Variants in IL1RAP observed in about 807,000 individuals in gnomAD.
The protein encoded by IL1RAP is interleukin-1 receptor accessory protein.
In IL1RAP, 35 loss-of-function variants were observed where a neutral mutation model predicts 60.7. That is an observed-to-expected ratio of 0.58 (90% CI 0.44 to 0.76). The LOEUF is 0.76. Ranked by LOEUF, IL1RAP falls within the 30% of genes least tolerant of loss-of-function variation. The pLI, the probability that IL1RAP is intolerant of heterozygous loss-of-function variation, is 0.00. For synonymous variants in IL1RAP, 268 were observed against 250.9 expected, an observed-to-expected ratio of 1.07 and a Z score of -0.64; for missense variants, 572 against 693.9, an observed-to-expected ratio of 0.82 and a Z score of 1.97.
At chr3:190,559,199 A>C (rs572506818) in intron 2 of IL1RAP, among the ~76,000 whole-genome samples, 1 of 152,280 alleles carries the variant, frequency 6.6e-6, no homozygotes, top group African/African-American at 2.4e-5. Context: ...TTGCCTTATT[A>C]CCATTTGAAT....
intron 2 of IL1RAP, among the ~76,000 whole-genome samples, chr3:190,559,356 A>AC (rs1367530765): frequency 2.0e-5 from 3 of 151,604 alleles, no homozygotes; most frequent in Admixed American, 6.6e-5. Flanking sequence ...TTATTTTTCT[A>AC]TATGTATATA....
At chr3:190,589,468 A>G (rs989573873) in intron 3 of IL1RAP, among the ~76,000 whole-genome samples, 1 of 152,152 alleles carries the variant, frequency 6.6e-6, no homozygotes, top group African/African-American at 2.4e-5. Context: ...TTAAGATAGA[A>G]TGAGACTGCA....
At chr3:190,595,314 AC>A (rs1267259901) in intron 3 of IL1RAP, among the ~76,000 whole-genome samples, 1 of 152,116 alleles carries the variant, frequency 6.6e-6, no homozygotes, top group African/African-American at 2.4e-5. Context: ...GTTATCTTCA[AC>A]CCTAATGCTA....
Position 190,649,382 on chromosome 3 carries a change from T to G in IL1RAP, c.*677T>G. ...AATATTTCTTAATTTTTGTTTTTGC[T>G]CCAGTCAATTCCTGATTATCCACAG... is the stretch of plus-strand genomic sequence containing the variant. On this transcript the variant is annotated 3_prime_UTR_variant, in exon 12 of 12. Transcript: ENST00000447382. 1 of 985,792 alleles carries G rather than the reference T, an allele frequency of 1.0e-6. No homozygotes were observed. Among genetic ancestry groups the G allele is most frequent in the Non-Finnish European group, 1.2e-6 (1 of 829,846 alleles). The allele number at this position is 985,792 out of a possible 1,614,324, so 61.1% of individuals were successfully genotyped here.
chr3:190,573,491 G>C (rs532063282), intron 3 of IL1RAP, among the ~76,000 whole-genome samples: 1 of 152,248 alleles, frequency 6.6e-6, no homozygotes, highest in South Asian at 2.1e-4. Flanking sequence ...ATTAGTAATC[G>C]GAAGTGTTGG....
At chr3:190,535,164 G>A (rs16865566) in intron 1 of IL1RAP, among the ~76,000 whole-genome samples, 5 of 152,010 alleles carry the variant, frequency 3.3e-5, no homozygotes, top group East Asian at 1.9e-4. Flanking sequence ...ATCACATTCA[G>A]TTTACTCATT....
At chr3:190,540,687 C>T (rs2108561329) in intron 1 of IL1RAP, among the ~76,000 whole-genome samples, 1 of 152,056 alleles carries the variant, frequency 6.6e-6, no homozygotes, top group South Asian at 2.1e-4. Flanking sequence ...GGTTTAGGAG[C>T]TGTTGGGGAA....
intron 1 of IL1RAP, chr3:190,550,506 GTGGGTA>G (rs1724772448): frequency 1.3e-5 from 2 of 152,324 alleles, no homozygotes; most frequent in African/African-American, 4.8e-5. Flanking sequence ...CAGATAACTG[GTGGGTA>G]TAGTTATGCT....
At chr3:190,630,760 T>G (rs529460033) in intron 9 of IL1RAP, among the ~76,000 whole-genome samples, 1 of 152,328 alleles carries the variant, frequency 6.6e-6, no homozygotes, top group Admixed American at 6.5e-5. Flanking sequence ...TGTCCTGCAA[T>G]GCATTATTGT....
chr3:190,631,499 C>T (rs1177273580), intron 9 of IL1RAP, among the ~76,000 whole-genome samples: 1 of 152,076 alleles, frequency 6.6e-6, no homozygotes, highest in Non-Finnish European at 1.5e-5. Context: ...TGTGTATTTC[C>T]GGTGGTACCA....
chr3:190,612,655 A>C (rs1420283910), intron 5 of IL1RAP, among the ~76,000 whole-genome samples: 1 of 152,100 alleles, frequency 6.6e-6, no homozygotes, highest in Non-Finnish European at 1.5e-5. Context: ...AGATTTTTCA[A>C]CTTGATCATG....
chr3:190,546,943 G>GC (rs1191317974), intron 1 of IL1RAP, among the ~76,000 whole-genome samples: 1 of 152,154 alleles, frequency 6.6e-6, no homozygotes, highest in East Asian at 1.9e-4. Context: ...GCCACAAAAT[G>GC]CCCCCCTTGT....
intron 4 of IL1RAP, 75 bp downstream of exon 4, chr3:190,604,488 A>C (rs2072586): frequency 6.8e-7 from 1 of 1,463,700 alleles, no homozygotes; most frequent in Non-Finnish European, 9.2e-7. Flanking sequence ...TCCGTGTGCT[A>C]GGAAGCTGGG....
chr3:190,590,842 A>C (rs1728881073), intron 3 of IL1RAP, among the ~76,000 whole-genome samples: 1 of 152,152 alleles, frequency 6.6e-6, no homozygotes, highest in African/African-American at 2.4e-5. Flanking sequence ...GCCAAGTGGG[A>C]ATGTCTGTGC....
chr3:190,552,956 G>A (rs1724995088), intron 1 of IL1RAP, among the ~76,000 whole-genome samples: 1 of 152,170 alleles, frequency 6.6e-6, no homozygotes, highest in South Asian at 2.1e-4. Flanking sequence ...TACTCGACAA[G>A]TGGCCAATAT....
chr3:190,525,471 T>G (rs953282652), intron 1 of IL1RAP, among the ~76,000 whole-genome samples: 1 of 152,078 alleles, frequency 6.6e-6, no homozygotes, highest in Non-Finnish European at 1.5e-5. Context: ...GAGTTTGGAT[T>G]TTACGCAAAG....
At chr3:190,561,908 C>T (rs1306908683) in intron 2 of IL1RAP, among the ~76,000 whole-genome samples, 7 of 152,276 alleles carry the variant, frequency 4.6e-5, no homozygotes, top group South Asian at 2.1e-4. Context: ...CTATCTAATA[C>T]GCGCCTGGCA....
chr3:190,563,283 T>C (rs1389628196), intron 2 of IL1RAP, among the ~76,000 whole-genome samples: 1 of 152,196 alleles, frequency 6.6e-6, no homozygotes, highest in Non-Finnish European at 1.5e-5. Context: ...ATAGCATCTT[T>C]GTCACTTACT....
At chr3:190,643,840 C>T (rs1733824392) in intron 9 of IL1RAP, among the ~76,000 whole-genome samples, 1 of 152,152 alleles carries the variant, frequency 6.6e-6, no homozygotes, top group Non-Finnish European at 1.5e-5. Context: ...TCTACCAATA[C>T]CGTGGACTTC....
Sources: allele counts gnomAD v4.1 joint callset (sites outside exome capture counted in the v4.1 genomes callset), GRCh38; gene constraint gnomAD v4.1.1; transcripts MANE v1.5; gene names NCBI Gene and HGNC (gene_info 2026-07-23, HGNC 2026-07-21).